Variants in LARP4 observed in about 807,000 individuals in gnomAD.
LARP4 encodes la-related protein 4.
LARP4 carries 29 observed loss-of-function variants against 92.9 expected under a neutral mutation model. That is an observed-to-expected ratio of 0.31 (90% CI 0.23 to 0.43). LARP4 has a LOEUF of 0.43. Among genes scored for constraint, LARP4 ranks in the 20% least tolerant of loss-of-function variants. The pLI is 1.00. For synonymous variants in LARP4, 279 were observed against 284.1 expected, an observed-to-expected ratio of 0.98 and a Z score of 0.18; for missense variants, 732 against 860.0, an observed-to-expected ratio of 0.85 and a Z score of 1.86.
At chr12:50,407,734 G>C (rs987471881) in intron 1 of LARP4, among the ~76,000 whole-genome samples, 2 of 152,044 alleles carry the variant, frequency 1.3e-5, no homozygotes, top group African/African-American at 4.8e-5. Flanking sequence ...CTACTTGGGA[G>C]GCTGAGGCAC....
chr12:50,401,165 C>A, intron 1 of LARP4, 137 bp downstream of exon 1: 1 of 941,194 alleles, frequency 1.1e-6, no homozygotes, highest in Non-Finnish European at 1.7e-6. Context: ...GCACCTGGGC[C>A]GAGCAGGCCT....
intron 13 of LARP4, among the ~76,000 whole-genome samples, chr12:50,467,334 T>TC (rs1300290817): frequency 1.3e-5 from 2 of 151,832 alleles, no homozygotes; most frequent in Non-Finnish European, 2.9e-5. Flanking sequence ...TGTCTTTGTT[T>TC]TTTTTTTTTT....
At chr12:50,442,757 A>G (rs1182931099) in intron 8 of LARP4, among the ~76,000 whole-genome samples, 1 of 152,228 alleles carries the variant, frequency 6.6e-6, no homozygotes. Context: ...AGTGAGGATA[A>G]TAAGACACGA....
intron 13 of LARP4, among the ~76,000 whole-genome samples, chr12:50,471,573 G>T (rs765046714): frequency 1.2e-4 from 18 of 152,176 alleles, no homozygotes; most frequent in Non-Finnish European, 2.6e-4. Flanking sequence ...GCGCAGGCTG[G>T]AGTGCAGCGG....
rs769968670 is a variant in LARP4, at chr12:50,461,399, A to G, written c.1334+52A>G. 56 of 1,474,144 alleles carry G rather than the reference A, an allele frequency of 3.8e-5. No homozygotes were observed. The South Asian group carries it at 4.2e-4, about 11-fold the overall frequency. The allele number at this position is 1,474,144 out of a possible 1,614,324, so 91.3% of individuals were successfully genotyped here. A position where few individuals can be genotyped will look rare whatever the true frequency, so the allele number is the denominator to read the frequency against. ...TTTGATAATAATGTGATCATCCTGA[A>G]TAATTGAAGAACATGATCTTCATAA... On this transcript the variant is annotated intron_variant, in intron 11 of 15. Transcript: ENST00000398473.
intron 15 of LARP4, among the ~76,000 whole-genome samples, 188 bp from the exon 16 acceptor site, chr12:50,475,338 C>T (rs4617660): frequency 0.98 from 149,298 of 152,300 alleles, 73,248 homozygotes; most frequent in East Asian, 1. Context: ...AGTTAAATTC[C>T]TTACGTGAAA....
chr12:50,427,655 T>C (rs1948999472), intron 1 of LARP4, 107 bp from the exon 2 acceptor site: 7 of 532,566 alleles, frequency 1.3e-5, no homozygotes, highest in South Asian at 1.3e-4. Flanking sequence ...AATATAATTA[T>C]TGGGTTTCTC....
At chr12:50,448,555 C>G (rs1952599811) in intron 8 of LARP4, among the ~76,000 whole-genome samples, 1 of 152,148 alleles carries the variant, frequency 6.6e-6, no homozygotes, top group African/African-American at 2.4e-5. Flanking sequence ...GAGACTGCGT[C>G]TTGCTCTTAT....
chr12:50,402,973 T>A (rs1485004510), intron 1 of LARP4, among the ~76,000 whole-genome samples: 1 of 152,244 alleles, frequency 6.6e-6, no homozygotes, highest in Non-Finnish European at 1.5e-5. Flanking sequence ...ATATGTGGTA[T>A]TAAAATCAGT....
chr12:50,437,527 A>T (rs1409899583), intron 5 of LARP4, among the ~76,000 whole-genome samples: 1 of 152,188 alleles, frequency 6.6e-6, no homozygotes, highest in Non-Finnish European at 1.5e-5. Context: ...TTTTTCAATG[A>T]ATAACATTTG....
intron 1 of LARP4, among the ~76,000 whole-genome samples, chr12:50,405,489 C>T (rs1944651434): frequency 6.6e-6 from 1 of 151,426 alleles, no homozygotes; most frequent in Non-Finnish European, 1.5e-5. Context: ...GACACAGTCT[C>T]GTTTGCTGCA....
At chr12:50,435,722 C>T (rs1593068051) in intron 5 of LARP4, 98 bp downstream of exon 5, 1 of 824,176 alleles carries the variant, frequency 1.2e-6, no homozygotes, top group Non-Finnish European at 1.9e-6. Context: ...CTGCCCCCTC[C>T]CCACACCCTT....
intron 1 of LARP4, chr12:50,401,312 A>G (rs943106345): frequency 2.1e-6 from 1 of 476,420 alleles, no homozygotes; most frequent in Non-Finnish European, 3.8e-6. Flanking sequence ...AAAGTGTCCC[A>G]TATGGACCTC....
chr12:50,422,981 C>G (rs1006150332), intron 1 of LARP4, among the ~76,000 whole-genome samples: 1 of 151,736 alleles, frequency 6.6e-6, no homozygotes, highest in Non-Finnish European at 1.5e-5. Context: ...CCATGCTTGG[C>G]TAATTTTTTT....
chr12:50,468,326 G>A (rs1179556435), intron 13 of LARP4, among the ~76,000 whole-genome samples: 7 of 148,136 alleles, frequency 4.7e-5, no homozygotes, highest in African/African-American at 1.5e-4. Context: ...ACAGAGTCTC[G>A]CTCGTAGCCC....
intron 8 of LARP4, 25 bp downstream of exon 8, chr12:50,441,668 A>G (rs1249839003): frequency 1.3e-6 from 2 of 1,543,744 alleles, no homozygotes; most frequent in Non-Finnish European, 1.8e-6. Flanking sequence ...TCAGTGTGAA[A>G]CCAGAACAGG....
rs551335651 is a variant in LARP4 at position 50,464,636 on chromosome 12, A to G, written c.1383+2006A>G. Reference sequence around the variant, plus strand: ...TCGAACTCCTGACCTCAGGTGAGCCACCTGCCTTGGCCTCCCAGAGTGCTG... The same window carrying G: ...TCGAACTCCTGACCTCAGGTGAGCCGCCTGCCTTGGCCTCCCAGAGTGCTG... On this transcript the variant is annotated intron_variant, in intron 12 of 15. Coordinates refer to ENST00000398473, the MANE Select transcript of LARP4 (RefSeq NM_052879.5). 1.4e-4 allele frequency among the ~76,000 whole-genome samples: 21 copies of G among 152,134 alleles called. No homozygotes were observed. In the East Asian group the frequency reaches 4.1e-3, roughly 30 times the overall value.
At chr12:50,429,428 G>T (rs1471640433) in intron 3 of LARP4, among the ~76,000 whole-genome samples, 2 of 151,802 alleles carry the variant, frequency 1.3e-5, no homozygotes, top group African/African-American at 4.8e-5. Context: ...TGGCCAACAT[G>T]GTGAAACACT....
At chr12:50,407,142 C>T (rs970942370) in intron 1 of LARP4, among the ~76,000 whole-genome samples, 12 of 152,184 alleles carry the variant, frequency 7.9e-5, no homozygotes. Flanking sequence ...TCTTCTGCCT[C>T]AGCCTCCTGA....
Sources: allele counts gnomAD v4.1 joint callset (sites outside exome capture counted in the v4.1 genomes callset), GRCh38; gene constraint gnomAD v4.1.1; transcripts MANE v1.5; gene names NCBI Gene and HGNC (gene_info 2026-07-23, HGNC 2026-07-21).